IGSF9B: variants seen among roughly 807,000 people sequenced by gnomAD.
The protein encoded by IGSF9B is protein turtle homolog B.
IGSF9B carries 48 observed loss-of-function variants against 143.7 expected under a neutral mutation model. The observed-to-expected ratio is 0.33, with a 90% CI of 0.26 to 0.42. The LOEUF is 0.42. Ranked by LOEUF, IGSF9B falls within the 20% of genes least tolerant of loss-of-function variation. IGSF9B has a pLI of 1.00. For missense variants in IGSF9B, 1,706 were observed against 1,980.0 expected (o/e 0.86, Z 2.63); for synonymous variants, 903 against 833.1 (o/e 1.08, Z -1.44).
intron 18 of IGSF9B, among the ~76,000 whole-genome samples, chr11:133,919,362 C>T (rs954048418): frequency 7.9e-5 from 12 of 152,170 alleles, no homozygotes; most frequent in African/African-American, 2.7e-4. Flanking sequence ...TGTGGGCAAC[C>T]CCCAGGACCC....
At position 133,930,847 on chromosome 11, in the gene IGSF9B, G is replaced by A. The variant is rs1591717213; in HGVS notation, c.1519+137C>T. 4.5e-6 allele frequency: 4 copies of A among 892,202 alleles called. No homozygotes were observed. The East Asian group carries it at 1.2e-4, about 26-fold the overall frequency. The allele number at this position is 892,202 out of a possible 1,614,324, so 55.3% of individuals were successfully genotyped here. ...AAAGGCTGCCGGTGCTGGACGCGGA[G>A]TTCAGGGCTGCACTGACTTAGGAAG... On this transcript the variant is annotated intron_variant, in intron 11 of 19. Transcript: ENST00000533871.
Position 133,928,077 on chromosome 11 carries a change from TGAGCAGCAGCGTG to T in IGSF9B, c.1632-999_1632-987del, listed in dbSNP as rs573795003. Among the ~76,000 whole-genome samples, 455 of 152,226 alleles carry T rather than the reference TGAGCAGCAGCGTG, an allele frequency of 3.0e-3. 4 individuals are homozygous for T. Among genetic ancestry groups the T allele is most frequent in the African/African-American group, 0.01 (433 of 41,550 alleles). On this transcript the variant is annotated intron_variant, in intron 12 of 19. Transcript: ENST00000533871. The surrounding 1 kb of genome is among the most constrained non-coding windows in gnomAD (Gnocchi z 4.7). The stretch of plus-strand genomic sequence containing the variant: ...GCCACGTGTGGAAAAGCAGTGCAGA[TGAGCAGCAGCGTG>T]GAGCAGCAGCGTGAAGCAGCACCGC...
chr11:133,911,460 G>A (rs1160191586), intron 19 of IGSF9B, among the ~76,000 whole-genome samples: 1 of 152,186 alleles, frequency 6.6e-6, no homozygotes, highest in Non-Finnish European at 1.5e-5. Flanking sequence ...TAAGGAAGGA[G>A]ATAGAGTTAT....
At position 133,897,574 on chromosome 11, in the gene IGSF9B, A is replaced by C. The variant is rs1267024691; in HGVS notation, c.*11495T>G. 6.6e-6 allele frequency: 1 copy of C among 152,212 alleles called. No homozygotes were observed. Among genetic ancestry groups the C allele is most frequent in the Non-Finnish European group, 1.5e-5 (1 of 68,060 alleles). 9.4% of individuals were successfully genotyped at this position (152,212 alleles called of 1,614,324 possible). ...CTGGCATTCCCAGGCTTTTGAGAAG[A>C]GGGTGATAGAGCAGGGAGCTCCTCA... On this transcript the variant is annotated 3_prime_UTR_variant, in exon 20 of 20. Transcript: ENST00000533871.
intron 12 of IGSF9B, among the ~76,000 whole-genome samples, chr11:133,927,752 G>A (rs1052032913): frequency 5.3e-5 from 8 of 152,168 alleles, no homozygotes; most frequent in African/African-American, 1.7e-4. Context: ...CAAAGCCGGA[G>A]GGCTATGGGT....
chr11:133,911,032 G>C (rs998064258), intron 19 of IGSF9B, among the ~76,000 whole-genome samples: 1 of 151,996 alleles, frequency 6.6e-6, no homozygotes, highest in Non-Finnish European at 1.5e-5. Context: ...GAGATTCATG[G>C]GGCTTTGAAT....
Position 133,906,498 on chromosome 11 carries a change from G to A in IGSF9B, c.*2571C>T, listed in dbSNP as rs1484056396. On this transcript the variant is annotated 3_prime_UTR_variant, in exon 20 of 20. Transcript: ENST00000533871. ...GCACAGCAGCCACTCGGTGACCAGC[G>A]AAAAGCACGGCTCCCCGCGTTGGGT... Among the ~76,000 whole-genome samples, 1 of 152,222 alleles carries A rather than the reference G, an allele frequency of 6.6e-6. No homozygotes were observed. Among genetic ancestry groups the A allele is most frequent in the Non-Finnish European group, 1.5e-5 (1 of 68,046 alleles).
chr11:133,929,691 G>A lies in IGSF9B; in HGVS notation c.1611C>T (p.Tyr537=), dbSNP rs561344215. The change falls in exon 12 of 20, where the codon TAC becomes TAT. Residue 537 remains tyrosine, a synonymous_variant. Transcript: ENST00000533871. ...CGTACCAAACTGAGAATGTCTGCTC[G>A]TAGCCTCCATCATAGCCTGGTTCCC... ...VSWEPGYDGG[Y]EQTFSVWMKR... is the part of the protein sequence containing the mutation. The A allele has an allele frequency of 9.9e-6, 16 of 1,612,928 alleles. No individual in the cohort carries two copies. The highest frequency in any genetic ancestry group is 8.9e-5 in the East Asian group (4 of 44,862).
At chr11:133,922,800 C>A in intron 15 of IGSF9B, 70 bp from the exon 16 acceptor site, 1 of 1,404,296 alleles carries the variant, frequency 7.1e-7, no homozygotes, top group Non-Finnish European at 9.6e-7. Flanking sequence ...GACCTTCAGT[C>A]CCCAAGTGTT....
chr11:133,949,144 G>C (rs1940113621), intron 1 of IGSF9B, among the ~76,000 whole-genome samples: 1 of 152,280 alleles, frequency 6.6e-6, no homozygotes, highest in African/African-American at 2.4e-5. Context: ...ACCAGGGAGA[G>C]GCAGCTGCAG....
chr11:133,927,122 C>A, intron 12 of IGSF9B, 31 bp from the exon 13 acceptor site: 1 of 1,520,268 alleles, frequency 6.6e-7, no homozygotes, highest in Non-Finnish European at 8.9e-7. Flanking sequence ...GGATAGGGGA[C>A]GAGGGGCGGG....
At position 133,901,932 on chromosome 11, in the gene IGSF9B, A is replaced by T. The variant is rs1169318615; in HGVS notation, c.*7137T>A. 1.0e-5 allele frequency among the ~76,000 whole-genome samples: 1 copy of T among 96,944 alleles called. No individual in the cohort carries two copies. Among genetic ancestry groups the T allele is most frequent in the Non-Finnish European group, 2.4e-5 (1 of 40,916 alleles). 63.6% of individuals were successfully genotyped at this position (96,944 alleles called of 152,430 possible). On this transcript the variant is annotated 3_prime_UTR_variant, in exon 20 of 20. Transcript: ENST00000533871. Reference sequence around the variant, plus strand: ...CCACACACAACACACACCAAACCACACAACACACACACACATCACACACAT... The same window carrying T: ...CCACACACAACACACACCAAACCACTCAACACACACACACATCACACACAT...
At chr11:133,934,487 T>C (rs1939787294) in intron 7 of IGSF9B, among the ~76,000 whole-genome samples, 1 of 152,230 alleles carries the variant, frequency 6.6e-6, no homozygotes, top group Non-Finnish European at 1.5e-5. Flanking sequence ...TGAGATCTGT[T>C]GTCCTGGACC....
At chr11:133,918,916 G>A in intron 18 of IGSF9B, 1 of 457,606 alleles carries the variant, frequency 2.2e-6, no homozygotes, top group Non-Finnish European at 4.4e-6. Context: ...ATAGGAGAGA[G>A]AAAGACTGAC....
rs1289672133 is a variant in IGSF9B at position 133,904,209 on chromosome 11, C to T, written c.*4860G>A. ...TCCCCCTCTCTATCACCATCACCAT[C>T]ACCAAGGCCCATGAACATTTTCAGA... On this transcript the variant is annotated 3_prime_UTR_variant, in exon 20 of 20. Coordinates refer to ENST00000533871, the MANE Select transcript of IGSF9B (RefSeq NM_001277285.4). 6.6e-6 allele frequency among the ~76,000 whole-genome samples: 1 copy of T among 152,160 alleles called. No individual in the cohort carries two copies. The highest frequency in any genetic ancestry group is 1.5e-5 in the Non-Finnish European group (1 of 68,022).
At chr11:133,925,693 C>T (rs61908383) in intron 14 of IGSF9B, 46 bp downstream of exon 14, 1 of 1,545,824 alleles carries the variant, frequency 6.5e-7, no homozygotes. Context: ...AGTCTTGTCG[C>T]TTCCCGGATT....
At position 133,920,620 on chromosome 11, in the gene IGSF9B, G is replaced by A. The variant is rs536988410; in HGVS notation, c.3105C>T (p.Arg1035=). 5.0e-6 allele frequency: 8 copies of A among 1,613,522 alleles called. No individual in the cohort carries two copies. Among genetic ancestry groups the A allele is most frequent in the Non-Finnish European group, 6.8e-6 (8 of 1,179,832 alleles). ...LPLTQTPTGG[R]SPEPWGRPEF... Reference sequence around the variant, plus strand: ...CTGGCCGGCCCCAGGGCTCAGGGGAGCGCCCTCCTGTAGGTGTCTGAGTCA... The same window carrying A: ...CTGGCCGGCCCCAGGGCTCAGGGGAACGCCCTCCTGTAGGTGTCTGAGTCA... Residue 1035 remains arginine, a synonymous_variant, in exon 18 of 20, where the codon CGC becomes CGT. Coordinates refer to ENST00000533871, the MANE Select transcript of IGSF9B (RefSeq NM_001277285.4).
intron 6 of IGSF9B, 33 bp from the exon 7 acceptor site, chr11:133,935,795 G>A (rs776159584): frequency 3.6e-5 from 58 of 1,601,184 alleles, no homozygotes; most frequent in Admixed American, 5.0e-5. Context: ...GGGGTTGGGC[G>A]AGCAGAAGGG....
rs1397773789 is a variant in IGSF9B at position 133,928,152 on chromosome 11, C to A, written c.1632-1061G>T. ...GAGCCCCAATCTACACCTGAGCCCC[C>A]CATCGTATGCCCAGACCTCCCACCC... On this transcript the variant is annotated intron_variant, in intron 12 of 19. Coordinates refer to ENST00000533871, the MANE Select transcript of IGSF9B (RefSeq NM_001277285.4). This position sits in a 1 kb window ranked among gnomAD's most constrained non-coding sequence, Gnocchi z 4.7. Among the ~76,000 whole-genome samples, 2 of 152,102 alleles carry A rather than the reference C, an allele frequency of 1.3e-5. No homozygotes were observed. Among genetic ancestry groups the A allele is most frequent in the African/African-American group, 4.8e-5 (2 of 41,420 alleles).
Sources: gnomAD v4.1 joint callset for allele counts (sites outside exome capture counted in the v4.1 genomes callset) on GRCh38, gnomAD v4.1.1 for gene constraint, Gnocchi (gnomAD v3.1) non-coding constraint, MANE v1.5 for transcripts, NCBI Gene and HGNC (gene_info 2026-07-23, HGNC 2026-07-21) for gene names.